Variants in COPS9 observed in about 807,000 individuals in gnomAD.
COPS9 encodes COP9 signalosome complex subunit 9.
A neutral mutation model predicts 7.2 loss-of-function variants in COPS9; 8 were observed. The ratio of observed to expected loss-of-function variants is 1.11; its 90% CI spans 0.65 to 2.00. The LOEUF is 2.00. Among genes scored for constraint, COPS9 ranks in the 30% most tolerant of loss-of-function variants. The probability of loss-of-function intolerance (pLI) is 0.00; values close to 1 mark genes in which losing one functional copy is unlikely to be tolerated. For missense variants in COPS9, 74 were observed against 77.7 expected (o/e 0.95, Z 0.18); for synonymous variants, 39 against 28.7 (o/e 1.36, Z -1.14).
downstream of COPS9, chr2:240,126,714 G>A (rs184335140): frequency 4.3e-5 from 69 of 1,614,182 alleles, no homozygotes; most frequent in East Asian, 1.4e-3. Context: ...GCTTCTTGTG[G>A]TTCTGAGCAC....
chr2:240,133,815 C>CCCT, intron 2 of COPS9, 118 bp downstream of exon 2: 2 of 977,036 alleles, frequency 2.0e-6, no homozygotes, highest in Non-Finnish European at 3.2e-6. Flanking sequence ...CTGAGAGGAG[C>CCCT]GCAGGGGCTC....
At chr2:240,129,217 C>T (rs1023669651), downstream of COPS9, among the ~76,000 whole-genome samples, 1 of 152,218 alleles carries the variant, frequency 6.6e-6, no homozygotes, top group South Asian at 2.1e-4. Flanking sequence ...GGCTGGAGTG[C>T]AGTGGTGCAA....
Position 240,130,831 on chromosome 2 carries a change from C to G in COPS9, c.*220G>C. Reference sequence around the variant, plus strand: ...AAGAAAGAGATCACTCCACATGTGACATTGCTTTCTTTTAATTGGAGTGAG... The same window carrying G: ...AAGAAAGAGATCACTCCACATGTGAGATTGCTTTCTTTTAATTGGAGTGAG... On this transcript the variant is annotated 3_prime_UTR_variant, in exon 3 of 3. Transcript: ENST00000607357. 1 of 1,402,594 alleles carries G rather than the reference C, an allele frequency of 7.1e-7. No individual in the cohort carries two copies. Among genetic ancestry groups the G allele is most frequent in the Non-Finnish European group, 9.2e-7 (1 of 1,083,582 alleles). The allele number at this position is 1,402,594 out of a possible 1,614,324, so 86.9% of individuals were successfully genotyped here. A position where few individuals can be genotyped will look rare whatever the true frequency, so the allele number is the denominator to read the frequency against.
At chr2:240,128,391 A>G (rs952704679), downstream of COPS9, among the ~76,000 whole-genome samples, 4 of 152,158 alleles carry the variant, frequency 2.6e-5, no homozygotes, top group African/African-American at 4.8e-5. Flanking sequence ...CCTCTCTTGC[A>G]TGGATTTTAA....
chr2:240,135,467 A>G (rs1361085749), intron 1 of COPS9, among the ~76,000 whole-genome samples: 1 of 152,140 alleles, frequency 6.6e-6, no homozygotes, highest in African/African-American at 2.4e-5. Context: ...TGCAGCCCCT[A>G]AGCTTTGAGA....
In COPS9 at chr2:240,130,831, C is replaced by T; in HGVS notation, c.*220G>A. 7.1e-7 allele frequency: 1 copy of T among 1,402,594 alleles called. No homozygotes were observed. Among genetic ancestry groups the T allele is most frequent in the Non-Finnish European group, 9.2e-7 (1 of 1,083,582 alleles). The allele number at this position is 1,402,594 out of a possible 1,614,324, so 86.9% of individuals were successfully genotyped here. On this transcript the variant is annotated 3_prime_UTR_variant, in exon 3 of 3. Transcript: ENST00000607357. ...AAGAAAGAGATCACTCCACATGTGACATTGCTTTCTTTTAATTGGAGTGAG... is the reference window on the plus strand; with the variant it reads ...AAGAAAGAGATCACTCCACATGTGATATTGCTTTCTTTTAATTGGAGTGAG...
rs7566429 is a variant in COPS9 at position 240,132,608 on chromosome 2, T to C, written c.136+1325A>G. Among the ~76,000 whole-genome samples, 733 of 152,330 alleles carry C rather than the reference T, an allele frequency of 4.8e-3. 8 individuals are homozygous for C. Among genetic ancestry groups the C allele is most frequent in the African/African-American group, 0.017 (691 of 41,570 alleles). ...CCCGTCAGGATTCAAGGGCTGACTC[T>C]GGAAGTCATGTGAACTCAAACACTA... On this transcript the variant is annotated intron_variant, in intron 2 of 2. Transcript: ENST00000607357. The surrounding 1 kb of genome is among the most constrained non-coding windows in gnomAD (Gnocchi z 4.1).
At chr2:240,127,108 G>A (rs936137876), downstream of COPS9, among the ~76,000 whole-genome samples, 1 of 152,160 alleles carries the variant, frequency 6.6e-6, no homozygotes, top group African/African-American at 2.4e-5. Context: ...AAGGACACAG[G>A]GTTCCTGGGA....
chr2:240,132,837 C>G lies in COPS9; in HGVS notation c.136+1096G>C, dbSNP rs1249178574. On this transcript the variant is annotated intron_variant, in intron 2 of 2. Coordinates refer to ENST00000607357, the MANE Select transcript of COPS9 (RefSeq NM_001163424.2). This position sits in a 1 kb window ranked among gnomAD's most constrained non-coding sequence, Gnocchi z 4.1. ...TCTGCAGCTTTGTACAATTTGTTCCCTCTGAAGGCAACACCCTTCTCCCAC... is the reference window on the plus strand; with the variant it reads ...TCTGCAGCTTTGTACAATTTGTTCCGTCTGAAGGCAACACCCTTCTCCCAC... Among the ~76,000 whole-genome samples the G allele has an allele frequency of 1.3e-5, 2 of 152,232 alleles. No homozygotes were observed. Among genetic ancestry groups the G allele is most frequent in the African/African-American group, 4.8e-5 (2 of 41,456 alleles).
intron 1 of COPS9, 105 bp from the exon 2 acceptor site, chr2:240,134,110 G>A: frequency 9.8e-7 from 1 of 1,024,698 alleles, no homozygotes. Flanking sequence ...GATGGGTGAG[G>A]GGAAACAGGC....
intron 1 of COPS9, chr2:240,136,010 G>A (rs111611962): frequency 3.9e-6 from 3 of 768,216 alleles, no homozygotes; most frequent in African/African-American, 1.9e-5. Flanking sequence ...CCCGGGCTAG[G>A]GCACACGCTT....
chr2:240,133,317 G>A (rs749376848), intron 2 of COPS9, among the ~76,000 whole-genome samples: 5 of 152,250 alleles, frequency 3.3e-5, no homozygotes, highest in Non-Finnish European at 4.4e-5. Context: ...AGAAGAGAAT[G>A]AGAAATATTC....
At chr2:240,128,788 G>A (rs768450003), downstream of COPS9, among the ~76,000 whole-genome samples, 46 of 152,288 alleles carry the variant, frequency 3.0e-4, no homozygotes, top group South Asian at 5.0e-3. Flanking sequence ...TGACAGCCGA[G>A]TCACACGGAG....
At chr2:240,133,772 C>T (rs558522802) in intron 2 of COPS9, among the ~76,000 whole-genome samples, 161 bp downstream of exon 2, 2 of 152,310 alleles carry the variant, frequency 1.3e-5, no homozygotes, top group South Asian at 4.1e-4. Flanking sequence ...GGCCGCAGCC[C>T]GTGTCATCGC....
At chr2:240,131,137 T>A in intron 2 of COPS9, 49 bp from the exon 3 acceptor site, 4 of 1,584,846 alleles carry the variant, frequency 2.5e-6, no homozygotes, top group Non-Finnish European at 3.5e-6. Context: ...GGGTAAGGGC[T>A]GAAGAAATCA....
intron 2 of COPS9, among the ~76,000 whole-genome samples, chr2:240,131,772 T>C (rs1301182760): frequency 1.3e-5 from 2 of 152,184 alleles, no homozygotes; most frequent in Non-Finnish European, 2.9e-5. Flanking sequence ...ACTTTCACAA[T>C]GGGAGGTGAA....
chr2:240,129,527 G>A (rs76882296), downstream of COPS9, among the ~76,000 whole-genome samples: 9,027 of 152,166 alleles, frequency 0.059, 391 homozygotes, highest in Admixed American at 0.11. Flanking sequence ...TGTTTGCCAC[G>A]GGCCAGTCTG....
downstream of COPS9, chr2:240,130,035 C>G (rs748130469): frequency 1.5e-5 from 24 of 1,607,844 alleles, no homozygotes; most frequent in Admixed American, 3.9e-4. Flanking sequence ...GCTGCTGAGC[C>G]CCAACAAAGG....
At position 240,130,990 on chromosome 2, in the gene COPS9, C is replaced by T. The variant is rs750494334; in HGVS notation, c.*61G>A. 24 of 1,596,832 alleles carry T rather than the reference C, an allele frequency of 1.5e-5. No homozygotes were observed. The highest frequency in any genetic ancestry group is 4.5e-5 in the East Asian group (2 of 44,646). ...TTTAAAACCACCTGAAACTGTCCTG[C>T]GCAGGCTCACACTGCGGCTCTGTAC... is the stretch of plus-strand genomic sequence containing the variant. On this transcript the variant is annotated 3_prime_UTR_variant, in exon 3 of 3. Coordinates refer to ENST00000607357, the MANE Select transcript of COPS9 (RefSeq NM_001163424.2).
Sources: allele counts gnomAD v4.1 joint callset (sites outside exome capture counted in the v4.1 genomes callset), GRCh38; gene constraint gnomAD v4.1.1; non-coding constraint Gnocchi (gnomAD v3.1); transcripts MANE v1.5; gene names NCBI Gene and HGNC (gene_info 2026-07-23, HGNC 2026-07-21).